The following CDH8 variants were observed in gnomAD, a reference collection of about 807,000 sequenced individuals.
CDH8 encodes cadherin 8, also known as cadherin-8.
In CDH8, 17 loss-of-function variants were observed where a neutral mutation model predicts 68.1. That is an observed-to-expected ratio of 0.25 (90% confidence interval 0.17 to 0.37). The LOEUF (loss-of-function observed/expected upper bound fraction) is 0.37, where lower values mean the gene tolerates loss of function less well. Ranked by LOEUF, CDH8 falls within the 10% of genes least tolerant of loss-of-function variation. The pLI is 1.00. For synonymous variants in CDH8, 372 were observed against 365.1 expected, an observed-to-expected ratio of 1.02 and a Z score of -0.21; for missense variants, 763 against 999.3, an observed-to-expected ratio of 0.76 and a Z score of 3.19.
intron 3 of CDH8, among the ~76,000 whole-genome samples, chr16:61,873,030 G>A (rs929817557): frequency 3.3e-5 from 5 of 152,236 alleles, no homozygotes; most frequent in African/African-American, 1.2e-4. Flanking sequence ...GGGAAATTGT[G>A]AAAGATAACA....
chr16:61,916,263 C>CA (rs1357868916), intron 2 of CDH8, among the ~76,000 whole-genome samples: 4 of 152,102 alleles, frequency 2.6e-5, no homozygotes, highest in African/African-American at 9.7e-5. Flanking sequence ...CCTGTAATCC[C>CA]AGCACTTCGG....
rs1393345464 is a variant in CDH8 at position 61,817,522 on chromosome 16, G to T, written c.1234C>A (p.Gln412Lys). 1 of 1,613,914 alleles carries T rather than the reference G, an allele frequency of 6.2e-7. No homozygotes were observed. The highest frequency in any genetic ancestry group is 8.5e-7 in the Non-Finnish European group (1 of 1,179,904). Residue 412 changes from glutamine (Q) to lysine (K), a missense_variant, in exon 7 of 12, where the codon CAA (glutamine) becomes AAA (lysine). Physicochemically the swap from Gln to Lys is moderately conservative, Grantham distance 53. Around this residue, in one of 2 missense-constraint regions of CDH8, gnomAD observed 366 missense variants for 563.1 expected, o/e 0.65. Transcript: ENST00000577390. ...ENAALNSVIG[Q>K]VTARDPDITS... ...ATATCAGGGTCACGAGCAGTCACTT[G>T]CCCAATCACGGAGTTTAGAGCAGCA...
chr16:61,879,129 G>A (rs1228725736), intron 3 of CDH8, among the ~76,000 whole-genome samples: 1 of 152,100 alleles, frequency 6.6e-6, no homozygotes, highest in Non-Finnish European at 1.5e-5. Flanking sequence ...AAGGTAGGCT[G>A]ACTGCTAAGT....
chr16:61,769,234 C>T (rs1044633686), intron 8 of CDH8, among the ~76,000 whole-genome samples: 1 of 151,738 alleles, frequency 6.6e-6, no homozygotes, highest in African/African-American at 2.4e-5. Context: ...TCTAAAGATC[C>T]CTGGACCACT....
chr16:61,749,868 T>C (rs1960114099), intron 8 of CDH8, among the ~76,000 whole-genome samples: 1 of 152,068 alleles, frequency 6.6e-6, no homozygotes, highest in African/African-American at 2.4e-5. Context: ...TAAAGGAACT[T>C]TGTACTTTAC....
intron 4 of CDH8, among the ~76,000 whole-genome samples, chr16:61,831,330 G>A (rs1023821093): frequency 6.6e-6 from 1 of 151,732 alleles, no homozygotes; most frequent in Non-Finnish European, 1.5e-5. Context: ...AGGAAAAGGA[G>A]GATCATCTTG....
At chr16:61,912,963 C>A (rs1040018229) in intron 2 of CDH8, among the ~76,000 whole-genome samples, 1 of 151,998 alleles carries the variant, frequency 6.6e-6, no homozygotes, top group Non-Finnish European at 1.5e-5. Flanking sequence ...GCAATAAAAA[C>A]TAATATTCAA....
At chr16:61,917,729 A>G (rs1003713222) in intron 2 of CDH8, among the ~76,000 whole-genome samples, 1 of 152,228 alleles carries the variant, frequency 6.6e-6, no homozygotes, top group African/African-American at 2.4e-5. Context: ...CTGAAGTGGT[A>G]CCTAGTACAT....
rs902118558 is a variant in CDH8 at position 61,651,579 on chromosome 16, C to G, written c.*2029G>C. 8.5e-5 allele frequency: 13 copies of G among 152,152 alleles called. No homozygotes were observed. The highest frequency in any genetic ancestry group is 3.1e-4 in the African/African-American group (13 of 41,412). The allele number at this position is 152,152 out of a possible 1,614,324, so 9.4% of individuals were successfully genotyped here. A position where few individuals can be genotyped will look rare whatever the true frequency, so the allele number is the denominator to read the frequency against. ...TGACTGAGATGACAGAGGACCACAG[C>G]CTGACTGCTTTAATGGATGTGTTTT... On this transcript the variant is annotated 3_prime_UTR_variant, in exon 12 of 12. Coordinates refer to ENST00000577390, the MANE Select transcript of CDH8 (RefSeq NM_001796.5).
chr16:61,691,360 CTT>C (rs58224041), intron 10 of CDH8, among the ~76,000 whole-genome samples: 3 of 148,422 alleles, frequency 2.0e-5, no homozygotes, highest in African/African-American at 7.4e-5. Flanking sequence ...TGTGCATTAT[CTT>C]TTTTTTTTTC....
chr16:61,859,897 G>A (rs1963119306), intron 3 of CDH8, among the ~76,000 whole-genome samples: 1 of 152,156 alleles, frequency 6.6e-6, no homozygotes, highest in African/African-American at 2.4e-5. Flanking sequence ...GCCCAGGCTG[G>A]AGTGCAGTGG....
At chr16:62,025,487 T>C (rs1191404923) in intron 1 of CDH8, among the ~76,000 whole-genome samples, 1 of 152,040 alleles carries the variant, frequency 6.6e-6, no homozygotes, top group Non-Finnish European at 1.5e-5. Context: ...CAGGGGTTTC[T>C]AGGGGTGAGA....
At chr16:61,657,252 C>T (rs1199900031) in intron 10 of CDH8, among the ~76,000 whole-genome samples, 1 of 151,928 alleles carries the variant, frequency 6.6e-6, no homozygotes, top group Non-Finnish European at 1.5e-5. Context: ...AACTACTGTA[C>T]CATATAGCAC....
chr16:61,932,199 C>T (rs1964553353), intron 2 of CDH8, among the ~76,000 whole-genome samples: 1 of 122,788 alleles, frequency 8.1e-6, no homozygotes, highest in South Asian at 2.6e-4. Context: ...CAGAGCAAAA[C>T]TCCGTCTCAA....
chr16:61,707,757 T>C (rs781309056), intron 10 of CDH8, among the ~76,000 whole-genome samples: 5 of 151,926 alleles, frequency 3.3e-5, no homozygotes, highest in Non-Finnish European at 7.4e-5. Context: ...ATATCTTTTT[T>C]CAAAAAAAAA....
intron 2 of CDH8, among the ~76,000 whole-genome samples, chr16:62,014,850 T>C (rs957131560): frequency 2.6e-5 from 4 of 151,524 alleles, no homozygotes; most frequent in African/African-American, 9.7e-5. Flanking sequence ...GAGAAGTTTA[T>C]GTAAGAGAGA....
intron 2 of CDH8, among the ~76,000 whole-genome samples, chr16:62,000,754 T>C (rs1046142007): frequency 1.3e-5 from 2 of 152,226 alleles, no homozygotes; most frequent in Non-Finnish European, 2.9e-5. Flanking sequence ...TTTCTTAATA[T>C]GGTTGCTGAT....
intron 1 of CDH8, among the ~76,000 whole-genome samples, chr16:62,031,057 A>G (rs1902313592): frequency 6.6e-6 from 1 of 152,290 alleles, no homozygotes; most frequent in South Asian, 2.1e-4. Context: ...ATGTACAGAC[A>G]TTGAGTCACC....
At chr16:61,862,781 G>A (rs999369929) in intron 3 of CDH8, among the ~76,000 whole-genome samples, 4 of 152,208 alleles carry the variant, frequency 2.6e-5, no homozygotes, top group African/African-American at 9.6e-5. Context: ...GACCACGAAG[G>A]CAAATTGAAA....
Sources: allele counts gnomAD v4.1 joint callset (sites outside exome capture counted in the v4.1 genomes callset), GRCh38; gene constraint gnomAD v4.1.1; regional missense constraint gnomAD v4.1.1; transcripts MANE v1.5; gene names NCBI Gene and HGNC (gene_info 2026-07-23, HGNC 2026-07-21).